DNAJC3: variants seen among roughly 807,000 people sequenced by gnomAD.
DNAJC3 encodes dnaJ homolog subfamily C member 3.
DNAJC3 carries 38 observed loss-of-function variants against 68.6 expected under a neutral mutation model. That is an observed-to-expected ratio of 0.55 (90% CI 0.43 to 0.73). The LOEUF is 0.73. Ranked by LOEUF, DNAJC3 falls within the 30% of genes least tolerant of loss-of-function variation. DNAJC3 has a pLI of 0.00. For missense variants in DNAJC3, 526 were observed against 591.9 expected (o/e 0.89, Z 1.16); for synonymous variants, 203 against 204.0 (o/e 1.00, Z 0.04).
intron 4 of DNAJC3, among the ~76,000 whole-genome samples, chr13:95,742,142 G>A (rs1882165322): frequency 6.6e-6 from 1 of 152,198 alleles, no homozygotes; most frequent in African/African-American, 2.4e-5. Flanking sequence ...TGGCAAGAGA[G>A]CCTGTGCTCA....
chr13:95,709,113 C>A, intron 1 of DNAJC3, 114 bp from the exon 2 acceptor site: 1 of 670,974 alleles, frequency 1.5e-6, no homozygotes, highest in Non-Finnish European at 2.2e-6. Flanking sequence ...GCTTCTGTGA[C>A]TTTTCTCATC....
chr13:95,779,335 A>G (rs559006085), intron 9 of DNAJC3, among the ~76,000 whole-genome samples: 19 of 152,136 alleles, frequency 1.2e-4, no homozygotes, highest in Middle Eastern at 3.4e-3. Context: ...CGTGTTAGCC[A>G]GGATGGTCTC....
intron 4 of DNAJC3, among the ~76,000 whole-genome samples, chr13:95,740,485 C>T (rs112597299): frequency 0.03 from 4,461 of 148,256 alleles, 172 homozygotes; most frequent in African/African-American, 0.1. Flanking sequence ...TAGGACCCTC[C>T]GAGCCAGGTG....
At chr13:95,770,565 G>A (rs568832584) in intron 9 of DNAJC3, among the ~76,000 whole-genome samples, 5 of 152,186 alleles carry the variant, frequency 3.3e-5, no homozygotes, top group Admixed American at 1.3e-4. Context: ...GCATGTTAGC[G>A]TATCAGATTC....
intron 4 of DNAJC3, among the ~76,000 whole-genome samples, chr13:95,743,515 G>A (rs1210672550): frequency 6.6e-6 from 1 of 152,168 alleles, no homozygotes. Flanking sequence ...TCATTAAGTG[G>A]GAACTGAAAG....
chr13:95,758,612 C>T (rs576329327), intron 5 of DNAJC3, among the ~76,000 whole-genome samples: 10 of 98,628 alleles, frequency 1.0e-4, no homozygotes, highest in Admixed American at 2.0e-4. Flanking sequence ...AGTGAGACTC[C>T]GTCTCAAAAA....
At chr13:95,728,246 T>A (rs1425981982) in intron 4 of DNAJC3, among the ~76,000 whole-genome samples, 1 of 152,256 alleles carries the variant, frequency 6.6e-6, no homozygotes, top group Non-Finnish European at 1.5e-5. Context: ...CTGGGTTGTA[T>A]GGTTATTGCA....
chr13:95,711,164 A>G (rs1880943962), intron 2 of DNAJC3, among the ~76,000 whole-genome samples: 3 of 152,200 alleles, frequency 2.0e-5, no homozygotes, highest in Admixed American at 2.0e-4. Flanking sequence ...GATTTTTATT[A>G]GCTCTCTGAA....
intron 4 of DNAJC3, among the ~76,000 whole-genome samples, chr13:95,734,236 C>T (rs1177948888): frequency 6.6e-6 from 1 of 152,056 alleles, no homozygotes; most frequent in African/African-American, 2.4e-5. Flanking sequence ...TGGTGATGAA[C>T]CTGTCTGGGA....
At chr13:95,765,031 C>A (rs1029202140) in intron 9 of DNAJC3, among the ~76,000 whole-genome samples, 2 of 152,040 alleles carry the variant, frequency 1.3e-5, no homozygotes, top group Non-Finnish European at 2.9e-5. Context: ...AGAAAAGAAT[C>A]TTGCTCCTAA....
intron 2 of DNAJC3, among the ~76,000 whole-genome samples, chr13:95,709,628 CT>C (rs955053415): frequency 0.011 from 1,202 of 112,186 alleles, 1 homozygote; most frequent in Middle Eastern, 0.023. Context: ...TGGCTTCTGA[CT>C]TTTTTTTTTT....
intron 5 of DNAJC3, among the ~76,000 whole-genome samples, chr13:95,758,861 G>A (rs1015629809): frequency 6.6e-6 from 1 of 152,104 alleles, no homozygotes; most frequent in Non-Finnish European, 1.5e-5. Flanking sequence ...TGTAGAATGG[G>A]CAATTTGTTG....
Position 95,791,032 on chromosome 13 carries a change from C to T in DNAJC3, c.*2C>T. 6.2e-7 allele frequency: 1 copy of T among 1,613,308 alleles called. No homozygotes were observed. Among genetic ancestry groups the T allele is most frequent in the Non-Finnish European group, 8.5e-7 (1 of 1,179,794 alleles). ...AGATTTAAATTCCACTTCAATTAAA[C>T]CAACTGTTTTTCTGCTCTTCTTAAT... On this transcript the variant is annotated 3_prime_UTR_variant, in exon 12 of 12. Coordinates refer to ENST00000602402, the MANE Select transcript of DNAJC3 (RefSeq NM_006260.5).
chr13:95,746,875 CT>C (rs1185846996), intron 4 of DNAJC3, among the ~76,000 whole-genome samples: 1 of 152,154 alleles, frequency 6.6e-6, no homozygotes, highest in Non-Finnish European at 1.5e-5. Flanking sequence ...GATTACTCAG[CT>C]GGGGTGAGGG....
chr13:95,726,988 A>G (rs543442535), intron 4 of DNAJC3, among the ~76,000 whole-genome samples: 1 of 152,166 alleles, frequency 6.6e-6, no homozygotes, highest in Non-Finnish European at 1.5e-5. Flanking sequence ...TTTTCTTTTT[A>G]TCTATCTCCC....
At chr13:95,742,854 A>G (rs762786584) in intron 4 of DNAJC3, 2 of 518,338 alleles carry the variant, frequency 3.9e-6, no homozygotes, top group East Asian at 5.5e-5. Context: ...AGAAGTATTC[A>G]CTACGCCGTA....
At chr13:95,680,827 T>C (rs1421436565) in intron 1 of DNAJC3, among the ~76,000 whole-genome samples, 1 of 152,216 alleles carries the variant, frequency 6.6e-6, no homozygotes, top group Non-Finnish European at 1.5e-5. Context: ...TCTTTGTTTA[T>C]ATGGAAGTAT....
intron 9 of DNAJC3, among the ~76,000 whole-genome samples, chr13:95,765,776 T>C (rs1046658436): frequency 6.6e-6 from 1 of 152,032 alleles, no homozygotes; most frequent in Non-Finnish European, 1.5e-5. Flanking sequence ...TTCACCATGT[T>C]GGCCAGGCTG....
At chr13:95,727,168 A>G (rs897671906) in intron 4 of DNAJC3, among the ~76,000 whole-genome samples, 5 of 151,848 alleles carry the variant, frequency 3.3e-5, no homozygotes, top group African/African-American at 1.2e-4. Flanking sequence ...TTCTGCTTCT[A>G]GCAGATGCTT....
Sources: gnomAD v4.1 joint callset for allele counts (sites outside exome capture counted in the v4.1 genomes callset) on GRCh38, gnomAD v4.1.1 for gene constraint, MANE v1.5 for transcripts, NCBI Gene and HGNC (gene_info 2026-07-23, HGNC 2026-07-21) for gene names.